Variants in MAGOH observed in about 807,000 individuals in gnomAD.
MAGOH encodes the protein protein mago nashi homolog.
A neutral mutation model predicts 20.9 loss-of-function variants in MAGOH; 3 were observed. The observed-to-expected ratio is 0.14, with a 90% CI of 0.07 to 0.37. The LOEUF (loss-of-function observed/expected upper bound fraction) is 0.37. Among genes scored for constraint, MAGOH ranks in the 10% least tolerant of loss-of-function variants. The probability of loss-of-function intolerance (pLI) is 1.00; values close to 1 mark genes in which losing one functional copy is unlikely to be tolerated. For missense variants in MAGOH, 66 were observed against 178.1 expected, an observed-to-expected ratio of 0.37 and a Z score of 3.58; for synonymous variants, 51 against 61.0, an observed-to-expected ratio of 0.84 and a Z score of 0.76.
At chr1:53,227,355 G>C (rs1645565470) in intron 4 of MAGOH, among the ~76,000 whole-genome samples, 1 of 152,022 alleles carries the variant, frequency 6.6e-6, no homozygotes, top group African/African-American at 2.4e-5. Context: ...TTCTTAAAAA[G>C]TATATATTGT....
intron 4 of MAGOH, 91 bp downstream of exon 4, chr1:53,228,781 C>T (rs555488169): frequency 1.5e-5 from 14 of 964,726 alleles, no homozygotes; most frequent in African/African-American, 9.7e-5. Context: ...TTTGCCCCAG[C>T]TCTTCCCATA....
chr1:53,237,873 T>C lies in MAGOH; in HGVS notation c.88+488A>G, dbSNP rs550719389. On this transcript the variant is annotated intron_variant, in intron 1 of 4. Coordinates refer to ENST00000371470, the MANE Select transcript of MAGOH (RefSeq NM_002370.4). The stretch of plus-strand genomic sequence containing the variant: ...CAGCCTTGACATCTGGTATTCCCTT[T>C]GTGTAGAATGGTCTTCCTTATGAGC... Among the ~76,000 whole-genome samples the C allele has an allele frequency of 4.8e-4, 73 of 152,138 alleles. No homozygotes were observed. In the South Asian group the frequency reaches 0.013, roughly 28 times the overall value.
chr1:53,233,448 G>C, intron 3 of MAGOH, 94 bp downstream of exon 3: 1 of 777,528 alleles, frequency 1.3e-6, no homozygotes, highest in Non-Finnish European at 2.2e-6. Flanking sequence ...TAGTTAGTAA[G>C]TGAGATAGGC....
chr1:53,230,082 T>A (rs1645578754), intron 3 of MAGOH, among the ~76,000 whole-genome samples: 1 of 152,230 alleles, frequency 6.6e-6, no homozygotes, highest in Non-Finnish European at 1.5e-5. Flanking sequence ...TATCTATGTG[T>A]AGCCTACTGG....
chr1:53,235,573 A>AT lies in MAGOH; in HGVS notation c.147+3dup, dbSNP rs1557728972. ...AGGACTCTCAGAAGGCAGAAGGCTCATACCTCTTTTCTGATCATGACATCA... is the reference window on the plus strand; with the variant it reads ...AGGACTCTCAGAAGGCAGAAGGCTCATTACCTCTTTTCTGATCATGACATCA... On this transcript the variant is annotated splice_donor_region_variant and intron_variant, in intron 2 of 4. Coordinates refer to ENST00000371470, the MANE Select transcript of MAGOH (RefSeq NM_002370.4). 6.2e-7 allele frequency: 1 copy of AT among 1,613,226 alleles called. No individual in the cohort carries two copies.
chr1:53,238,488 A>T lies in MAGOH; in HGVS notation c.-40T>A. On this transcript the variant is annotated 5_prime_UTR_variant, in exon 1 of 5. In the 5' UTR this introduces an upstream ATG that the reference lacks. Transcript: ENST00000371470. Reference sequence around the variant, plus strand: ...AACCGAGCCTGAACTTCCAAGAGCAAGCCGCACTGCCGCCGTCTGCGCCCG... The same window carrying T: ...AACCGAGCCTGAACTTCCAAGAGCATGCCGCACTGCCGCCGTCTGCGCCCG... 6.4e-7 allele frequency: 1 copy of T among 1,568,752 alleles called. No homozygotes were observed. The highest frequency in any genetic ancestry group is 8.8e-7 in the Non-Finnish European group (1 of 1,138,770).
At chr1:53,227,229 C>T (rs933266216) in intron 4 of MAGOH, 85 bp from the exon 5 acceptor site, 6 of 629,274 alleles carry the variant, frequency 9.5e-6, no homozygotes, top group African/African-American at 3.9e-5. Flanking sequence ...TATATTAAAA[C>T]GGTATATTAT....
At chr1:53,230,593 G>A (rs1184650276) in intron 3 of MAGOH, among the ~76,000 whole-genome samples, 5 of 143,452 alleles carry the variant, frequency 3.5e-5, no homozygotes, top group Non-Finnish European at 7.7e-5. Context: ...AATTTTTAGG[G>A]TTTTTTTTTT....
rs1475206523 is a variant in MAGOH at position 53,238,496 on chromosome 1, T to G, written c.-48A>C. 6.6e-7 allele frequency: 1 copy of G among 1,521,296 alleles called. No homozygotes were observed. The highest frequency in any genetic ancestry group is 9.1e-7 in the Non-Finnish European group (1 of 1,096,034). The allele number at this position is 1,521,296 out of a possible 1,614,324, so 94.2% of individuals were successfully genotyped here. On this transcript the variant is annotated 5_prime_UTR_variant, in exon 1 of 5. Transcript: ENST00000371470. ...CTGAACTTCCAAGAGCAAGCCGCAC[T>G]GCCGCCGTCTGCGCCCGACACTGAC...
chr1:53,229,589 T>C (rs1471306931), intron 3 of MAGOH, among the ~76,000 whole-genome samples: 1 of 152,138 alleles, frequency 6.6e-6, no homozygotes, highest in African/African-American at 2.4e-5. Flanking sequence ...TTGTCAACAA[T>C]GTGGAGTAAC....
At chr1:53,227,280 G>C in intron 4 of MAGOH, 136 bp from the exon 5 acceptor site, 2 of 476,016 alleles carry the variant, frequency 4.2e-6, no homozygotes, top group East Asian at 7.0e-5. Flanking sequence ...ATAGGGAAAT[G>C]CTTACATTAA....
Position 53,238,345 on chromosome 1 carries a change from G to A in MAGOH, c.88+16C>T. ...GGCCTGGTCCCCGCTCCCGGCGGGC[G>A]GCAGGCTGCTTTTACCGTCCGGTCG... On this transcript the variant is annotated intron_variant, in intron 1 of 4. Transcript: ENST00000371470. The A allele has an allele frequency of 6.2e-7, 1 of 1,613,694 alleles. No individual in the cohort carries two copies. The highest frequency in any genetic ancestry group is 8.5e-7 in the Non-Finnish European group (1 of 1,179,616).
intron 4 of MAGOH, among the ~76,000 whole-genome samples, chr1:53,227,345 T>G (rs1645565441): frequency 6.6e-6 from 1 of 152,176 alleles, no homozygotes; most frequent in African/African-American, 2.4e-5. Flanking sequence ...TTTTTTATGC[T>G]TCTTAAAAAG....
At chr1:53,235,762 A>G (rs892305815) in intron 1 of MAGOH, 127 bp from the exon 2 acceptor site, 5 of 718,320 alleles carry the variant, frequency 7.0e-6, no homozygotes, top group Non-Finnish European at 1.2e-5. Flanking sequence ...CAGATTTATT[A>G]TTTACTCTTA....
chr1:53,234,813 T>G (rs915905036), intron 2 of MAGOH, among the ~76,000 whole-genome samples: 1 of 152,186 alleles, frequency 6.6e-6, no homozygotes, highest in African/African-American at 2.4e-5. Context: ...TGAAAATATA[T>G]GCTAAGACAT....
chr1:53,231,554 A>G (rs925937983), intron 3 of MAGOH, among the ~76,000 whole-genome samples: 2 of 152,232 alleles, frequency 1.3e-5, no homozygotes, highest in Admixed American at 6.5e-5. Flanking sequence ...ACAATTTGTT[A>G]AATAATTCGT....
At chr1:53,234,766 G>A (rs150276376) in intron 2 of MAGOH, among the ~76,000 whole-genome samples, 1 of 152,270 alleles carries the variant, frequency 6.6e-6, no homozygotes, top group Admixed American at 6.5e-5. Flanking sequence ...ATTGACATGT[G>A]TGAATAAGCA....
chr1:53,227,516 A>G (rs1190303163), intron 4 of MAGOH, among the ~76,000 whole-genome samples: 3 of 152,060 alleles, frequency 2.0e-5, no homozygotes, highest in Admixed American at 2.0e-4. Context: ...TATTACTTTC[A>G]GAGTTAGAAA....
chr1:53,228,159 C>T (rs12145535), intron 4 of MAGOH, among the ~76,000 whole-genome samples: 38,851 of 151,952 alleles, frequency 0.26, 6,051 homozygotes, highest in East Asian at 0.45. Context: ...AGGCTGGGCG[C>T]GGTGGCTCAC....
Sources: allele counts gnomAD v4.1 joint callset (sites outside exome capture counted in the v4.1 genomes callset), GRCh38; gene constraint gnomAD v4.1.1; transcripts MANE v1.5; gene names NCBI Gene and HGNC (gene_info 2026-07-23, HGNC 2026-07-21).